The following TENM1 variants were observed in gnomAD, a reference collection of about 807,000 sequenced individuals.
TENM1 encodes the protein teneurin-1.
Under a neutral mutation model 174.8 loss-of-function variants are expected in TENM1, and 35 were observed. The ratio of observed to expected loss-of-function variants is 0.20; its 90% CI spans 0.15 to 0.27. The LOEUF (loss-of-function observed/expected upper bound fraction) is 0.27, where lower values mean the gene tolerates loss of function less well. Among genes scored for constraint, TENM1 ranks in the 10% least tolerant of loss-of-function variants. The pLI is 1.00. For missense variants in TENM1, 1,633 were observed against 2,130.1 expected (o/e 0.77, Z 4.59); for synonymous variants, 781 against 798.7 (o/e 0.98, Z 0.37).
At chrX:124,958,338 T>A (rs1413128360) in intron 1 of TENM1, among the ~76,000 whole-genome samples, 2 of 111,679 alleles carry the variant, frequency 1.8e-5, no homozygotes, top group Non-Finnish European at 3.8e-5. Context: ...TCAAAACAAG[T>A]CTTCAATTGG....
At chrX:124,810,525 A>G (rs960111078) in intron 3 of TENM1, among the ~76,000 whole-genome samples, 2 of 111,827 alleles carry the variant, frequency 1.8e-5, no homozygotes, top group Admixed American at 9.5e-5. Flanking sequence ...TGAAAACTAT[A>G]AAACCTTGAT....
At chrX:124,998,543 C>A in the TENM1 span, among the ~76,000 whole-genome samples, 9 of 109,836 alleles carry the variant, frequency 8.2e-5, no homozygotes, top group Admixed American at 6.8e-4. Context: ...GAGTATTTAC[C>A]ACATGGCAAG....
At chrX:124,937,992 T>G (rs1280555873) in intron 1 of TENM1, among the ~76,000 whole-genome samples, 1 of 111,857 alleles carries the variant, frequency 8.9e-6, no homozygotes, top group East Asian at 2.8e-4. Flanking sequence ...ATTAACATTT[T>G]TCACTGAAAT....
At chrX:124,909,369 C>G (rs1490763842) in intron 1 of TENM1, among the ~76,000 whole-genome samples, 1 of 111,550 alleles carries the variant, frequency 9.0e-6, no homozygotes, top group Non-Finnish European at 1.9e-5. Context: ...GCTAGAACTT[C>G]CTGCTTCTTG....
the TENM1 span, among the ~76,000 whole-genome samples, chrX:125,182,233 ATC>A: frequency 9.1e-6 from 1 of 109,950 alleles, no homozygotes; most frequent in East Asian, 2.9e-4. Context: ...TCATGGGCCC[ATC>A]TCTCTGTTTT....
intron 3 of TENM1, among the ~76,000 whole-genome samples, chrX:124,751,746 G>C (rs1399759194): frequency 2.9e-5 from 3 of 102,163 alleles, no homozygotes; most frequent in African/African-American, 1.1e-4. Context: ...GCGGTGTTTG[G>C]TTTTTTGTCC....
chrX:125,040,529 T>C, the TENM1 span, among the ~76,000 whole-genome samples: 1 of 111,466 alleles, frequency 9.0e-6, no homozygotes, highest in Admixed American at 9.6e-5. Context: ...TTGCAGTTTC[T>C]ACAAACTGGG....
chrX:124,939,869 C>G (rs886078780), intron 1 of TENM1, among the ~76,000 whole-genome samples: 5 of 112,087 alleles, frequency 4.5e-5, no homozygotes, highest in African/African-American at 1.6e-4. Context: ...AAAGTAGACC[C>G]TACTGCCAGT....
chrX:125,053,089 A>G, the TENM1 span, among the ~76,000 whole-genome samples: 1 of 112,142 alleles, frequency 8.9e-6, no homozygotes, highest in South Asian at 3.7e-4. Context: ...AACTATAACA[A>G]AAAGACAGAA....
chrX:125,098,002 G>A, the TENM1 span, among the ~76,000 whole-genome samples: 4 of 112,532 alleles, frequency 3.6e-5, no homozygotes, highest in East Asian at 2.8e-4. Context: ...GGTGGCTCAC[G>A]CCTGTAATCC....
chrX:124,923,835 G>A (rs2058055988), intron 1 of TENM1, among the ~76,000 whole-genome samples: 1 of 111,733 alleles, frequency 8.9e-6, no homozygotes, highest in African/African-American at 3.3e-5. Flanking sequence ...GCTGGAAAAT[G>A]CAAGAAAAAC....
At chrX:124,725,752 C>T (rs1430204292) in intron 4 of TENM1, among the ~76,000 whole-genome samples, 1 of 112,503 alleles carries the variant, frequency 8.9e-6, no homozygotes, top group Non-Finnish European at 1.9e-5. Flanking sequence ...CACATACACA[C>T]ACACACGTGC....
At chrX:124,768,846 C>CAG (rs1405304286) in intron 3 of TENM1, among the ~76,000 whole-genome samples, 1 of 112,306 alleles carries the variant, frequency 8.9e-6, no homozygotes, top group Admixed American at 9.4e-5. Context: ...ATTGAACACT[C>CAG]AGAGAGTTGC....
the TENM1 span, among the ~76,000 whole-genome samples, chrX:125,076,346 A>C: frequency 8.5e-4 from 77 of 90,109 alleles, no homozygotes; most frequent in Non-Finnish European, 1.1e-3. Flanking sequence ...TTGTCTTCCC[A>C]AACTGATAAA....
intron 11 of TENM1, among the ~76,000 whole-genome samples, chrX:124,636,730 C>T (rs1031492300): frequency 9.0e-6 from 1 of 111,722 alleles, no homozygotes; most frequent in Admixed American, 9.5e-5. Flanking sequence ...TGCAATTAGC[C>T]GGGTCTATGA....
At chrX:124,904,802 A>G (rs1287680925) in intron 1 of TENM1, among the ~76,000 whole-genome samples, 1 of 110,211 alleles carries the variant, frequency 9.1e-6, no homozygotes, top group African/African-American at 3.3e-5. Flanking sequence ...GAACTGGGGA[A>G]ATTTTACTGA....
At chrX:125,195,602 A>G in the TENM1 span, among the ~76,000 whole-genome samples, 1 of 111,632 alleles carries the variant, frequency 9.0e-6, no homozygotes, top group African/African-American at 3.3e-5. Flanking sequence ...CTAAACCAAA[A>G]ATAAATGGTG....
At chrX:124,753,401 G>T (rs1435499164) in intron 3 of TENM1, among the ~76,000 whole-genome samples, 2 of 102,996 alleles carry the variant, frequency 1.9e-5, no homozygotes, top group Non-Finnish European at 4.0e-5. Context: ...GAGACAATGG[G>T]GTTTTCTAGA....
At chrX:124,639,215 A>G (rs1009900764) in intron 11 of TENM1, among the ~76,000 whole-genome samples, 1 of 111,280 alleles carries the variant, frequency 9.0e-6, no homozygotes, top group Non-Finnish European at 1.9e-5. Context: ...CTCCTTCTGC[A>G]CTCCTAGGCT....
Sources: allele counts gnomAD v4.1 joint callset (sites outside exome capture counted in the v4.1 genomes callset), GRCh38; gene constraint gnomAD v4.1.1; transcripts MANE v1.5; gene names NCBI Gene and HGNC (gene_info 2026-07-23, HGNC 2026-07-21).